The following GRAMD2A variants were observed in gnomAD, a reference collection of about 807,000 sequenced individuals.
GRAMD2A encodes the protein GRAM domain-containing protein 2A.
A neutral mutation model predicts 51.1 loss-of-function variants in GRAMD2A; 37 were observed. The ratio of observed to expected loss-of-function variants is 0.72; its 90% CI spans 0.56 to 0.95. The LOEUF (loss-of-function observed/expected upper bound fraction) is 0.95, where lower values mean the gene tolerates loss of function less well. GRAMD2A is among the 40% of genes least tolerant of loss of function. GRAMD2A has a pLI of 0.00. For synonymous variants in GRAMD2A, 136 were observed against 157.1 expected, an observed-to-expected ratio of 0.87 and a Z score of 1.01; for missense variants, 414 against 426.9, an observed-to-expected ratio of 0.97 and a Z score of 0.27.
chr15:72,187,816 C>T (rs895306921), intron 1 of GRAMD2A, among the ~76,000 whole-genome samples: 12 of 152,166 alleles, frequency 7.9e-5, no homozygotes, highest in East Asian at 1.9e-4. Context: ...GTCACTGTAC[C>T]TGGCCATAAT....
At chr15:72,164,687 G>A (rs889992801) in intron 8 of GRAMD2A, among the ~76,000 whole-genome samples, 2 of 152,156 alleles carry the variant, frequency 1.3e-5, no homozygotes, top group East Asian at 3.9e-4. Flanking sequence ...TTACAGGCGT[G>A]AGCCACCACA....
intron 1 of GRAMD2A, among the ~76,000 whole-genome samples, chr15:72,174,458 C>T (rs3743224): frequency 0.21 from 31,498 of 152,154 alleles, 3,434 homozygotes; most frequent in East Asian, 0.41. Flanking sequence ...CATCCAGTCC[C>T]GTCCCATCCC....
At position 72,166,482 on chromosome 15, in the gene GRAMD2A, T is replaced by C; in HGVS notation, c.543+150A>G. The stretch of plus-strand genomic sequence containing the variant: ...ATAGACACACAATCCAAGTACTGTC[T>C]CTTGTACATTGAGCCTGAGCCTTTA... On this transcript the variant is annotated intron_variant, in intron 7 of 11. Transcript: ENST00000309731. The surrounding 1 kb of genome is among the most constrained non-coding windows in gnomAD (Gnocchi z 4.1). 1.5e-6 allele frequency: 1 copy of C among 650,196 alleles called. No homozygotes were observed. Among genetic ancestry groups the C allele is most frequent in the Non-Finnish European group, 2.8e-6 (1 of 360,572 alleles). 40.3% of individuals were successfully genotyped at this position (650,196 alleles called of 1,614,324 possible).
intron 1 of GRAMD2A, among the ~76,000 whole-genome samples, chr15:72,177,172 TA>T (rs34392305): frequency 0.016 from 2,279 of 144,734 alleles, 36 homozygotes; most frequent in African/African-American, 0.043. Flanking sequence ...TGCAGTCCTT[TA>T]AAAAAAAAAA....
At chr15:72,172,158 G>T (rs1047101582) in intron 1 of GRAMD2A, among the ~76,000 whole-genome samples, 3 of 151,622 alleles carry the variant, frequency 2.0e-5, no homozygotes, top group African/African-American at 7.3e-5. Flanking sequence ...TCACTCTGTC[G>T]CCCAGGCTAC....
chr15:72,181,647 A>C (rs569195134), intron 1 of GRAMD2A, among the ~76,000 whole-genome samples: 1 of 152,340 alleles, frequency 6.6e-6, no homozygotes, highest in South Asian at 2.1e-4. Flanking sequence ...TAAAAACAAG[A>C]AGGTGTCAAG....
chr15:72,192,804 A>T (rs2081777590), intron 1 of GRAMD2A, among the ~76,000 whole-genome samples: 1 of 152,226 alleles, frequency 6.6e-6, no homozygotes, highest in African/African-American at 2.4e-5. Flanking sequence ...CACTGAGGAA[A>T]CACTAATTTA....
At chr15:72,163,885 A>G in intron 8 of GRAMD2A, 128 bp from the exon 9 acceptor site, 1 of 947,708 alleles carries the variant, frequency 1.1e-6, no homozygotes, top group Non-Finnish European at 1.6e-6. Flanking sequence ...CCAGGGATGG[A>G]AGCAGGTACA....
chr15:72,179,702 T>C (rs1266424896), intron 1 of GRAMD2A, among the ~76,000 whole-genome samples: 1 of 152,074 alleles, frequency 6.6e-6, no homozygotes, highest in Non-Finnish European at 1.5e-5. Flanking sequence ...CAGTCTGGGG[T>C]GGGGCTGGGG....
At chr15:72,192,381 A>G (rs1056657037) in intron 1 of GRAMD2A, among the ~76,000 whole-genome samples, 4 of 152,250 alleles carry the variant, frequency 2.6e-5, no homozygotes, top group Non-Finnish European at 5.9e-5. Flanking sequence ...TTATTTTAAA[A>G]TAAAATTTCT....
chr15:72,196,980 C>T (rs1213358231), intron 1 of GRAMD2A, among the ~76,000 whole-genome samples: 2 of 152,194 alleles, frequency 1.3e-5, no homozygotes, highest in Admixed American at 1.3e-4. Context: ...GAACCTGGAC[C>T]GGGGCAGGAA....
At chr15:72,190,938 T>C (rs890637309) in intron 1 of GRAMD2A, among the ~76,000 whole-genome samples, 2 of 152,304 alleles carry the variant, frequency 1.3e-5, no homozygotes, top group East Asian at 1.9e-4. Context: ...AAAGAAGTCA[T>C]TGAAGCCTGG....
intron 7 of GRAMD2A, 53 bp from the exon 8 acceptor site, chr15:72,165,463 A>G: frequency 6.4e-7 from 1 of 1,554,370 alleles, no homozygotes; most frequent in Non-Finnish European, 8.9e-7. Flanking sequence ...AGGCAAGGTC[A>G]GGCAGGGGGA....
At position 72,163,718 on chromosome 15, in the gene GRAMD2A, G is replaced by T. The variant is rs774101794; in HGVS notation, c.640C>A (p.Pro214Thr). The change falls in exon 9 of 12, where the codon CCT (proline) becomes ACT (threonine). Residue 214 changes from proline to threonine, a missense_variant. Coordinates refer to ENST00000309731, the MANE Select transcript of GRAMD2A (RefSeq NM_001012642.3). ...IPEMKWRKVC[P>T]SSRSLSLPDN... ...GGGAGAGACAGGGACCTGGAGGAAG[G>T]GCATACCTTTCTCCACTTCATCTCA... is the stretch of plus-strand genomic sequence containing the variant. 14 of 1,610,494 alleles carry T rather than the reference G, an allele frequency of 8.7e-6. No homozygotes were observed. The South Asian group carries it at 1.0e-4, about 11-fold the overall frequency.
Position 72,166,961 on chromosome 15 carries a change from A to T in GRAMD2A, c.471+33T>A. 6.5e-7 allele frequency: 1 copy of T among 1,533,084 alleles called. No homozygotes were observed. The highest frequency in any genetic ancestry group is 2.2e-5 in the East Asian group (1 of 44,472). The allele number at this position is 1,533,084 out of a possible 1,614,324, so 95.0% of individuals were successfully genotyped here. A position where few individuals can be genotyped will look rare whatever the true frequency, so the allele number is the denominator to read the frequency against. Reference sequence around the variant, plus strand: ...GGGCTGTCAGGGCTGGGAGCGGGAGACTGACAAGGGAGCATGGGCCCAGTG... The same window carrying T: ...GGGCTGTCAGGGCTGGGAGCGGGAGTCTGACAAGGGAGCATGGGCCCAGTG... On this transcript the variant is annotated intron_variant, in intron 6 of 11. Coordinates refer to ENST00000309731, the MANE Select transcript of GRAMD2A (RefSeq NM_001012642.3). The surrounding 1 kb of genome is among the most constrained non-coding windows in gnomAD (Gnocchi z 4.1).
chr15:72,178,017 C>T (rs144148229), intron 1 of GRAMD2A, among the ~76,000 whole-genome samples: 1,851 of 152,304 alleles, frequency 0.012, 58 homozygotes, highest in Admixed American at 0.056. Flanking sequence ...CGTGAGCCAC[C>T]GCACCTGGCC....
chr15:72,184,796 A>C (rs892802388), intron 1 of GRAMD2A, among the ~76,000 whole-genome samples: 5 of 152,260 alleles, frequency 3.3e-5, no homozygotes, highest in African/African-American at 7.2e-5. Flanking sequence ...GCCACCGCAC[A>C]CAGGAGAGAA....
At chr15:72,188,408 T>C (rs1390142413) in intron 1 of GRAMD2A, among the ~76,000 whole-genome samples, 1 of 151,970 alleles carries the variant, frequency 6.6e-6, no homozygotes, top group Non-Finnish European at 1.5e-5. Context: ...ACTATAAATG[T>C]CCATCAATAA....
intron 1 of GRAMD2A, among the ~76,000 whole-genome samples, chr15:72,197,482 C>G (rs1186535691): frequency 6.6e-6 from 1 of 152,162 alleles, no homozygotes; most frequent in African/African-American, 2.4e-5. Flanking sequence ...CCTCATCCCC[C>G]AGGTCGCAGC....
Sources: allele counts gnomAD v4.1 joint callset (sites outside exome capture counted in the v4.1 genomes callset), GRCh38; gene constraint gnomAD v4.1.1; non-coding constraint Gnocchi (gnomAD v3.1); transcripts MANE v1.5; gene names NCBI Gene and HGNC (gene_info 2026-07-23, HGNC 2026-07-21).